PLAGL1: variants seen among roughly 807,000 people sequenced by gnomAD.
PLAGL1 encodes the protein PLAG1 like zinc finger 1.
PLAGL1 carries 1 observed loss-of-function variant against 4.6 expected under a neutral mutation model. The observed-to-expected ratio is 0.22, with a 90% CI of 0.08 to 1.03. The LOEUF is 1.03. PLAGL1 is among the 50% of genes least tolerant of loss of function. The pLI is 0.58. For synonymous variants in PLAGL1, 240 were observed against 237.8 expected (o/e 1.01, Z -0.08); for missense variants, 464 against 570.4 (o/e 0.81, Z 1.90).
intron 1 of PLAGL1, among the ~76,000 whole-genome samples, chr6:144,060,371 T>G (rs1372994719): frequency 6.6e-6 from 1 of 152,224 alleles, no homozygotes; most frequent in Non-Finnish European, 1.5e-5. Flanking sequence ...TTAGCATTTA[T>G]ATTTATTTCA....
chr6:143,959,728 G>A lies in PLAGL1; in HGVS notation c.-325+741C>T, dbSNP rs1030132900. On this transcript the variant is annotated intron_variant, in intron 6 of 7. Transcript: ENST00000674357. The surrounding 1 kb of genome is among the most constrained non-coding windows in gnomAD (Gnocchi z 5.3). ...GAGGATTTAAGTTTACTGCCCATCA[G>A]CATGGACTAATGACATACTGCAAGT... 2.0e-5 allele frequency among the ~76,000 whole-genome samples: 3 copies of A among 152,168 alleles called. No individual in the cohort carries two copies. Among genetic ancestry groups the A allele is most frequent in the Non-Finnish European group, 4.4e-5 (3 of 68,018 alleles).
At chr6:144,037,027 C>T (rs1797294439) in intron 1 of PLAGL1, 1 of 163,088 alleles carries the variant, frequency 6.1e-6, no homozygotes, top group Non-Finnish European at 1.3e-5. Context: ...AGTCTGCTTG[C>T]CTCTTGTCAC....
chr6:143,988,426 T>C (rs1323750801), intron 1 of PLAGL1, among the ~76,000 whole-genome samples: 1 of 152,220 alleles, frequency 6.6e-6, no homozygotes, highest in Non-Finnish European at 1.5e-5. Flanking sequence ...TAATGGTAGG[T>C]TGGCTCCACT....
rs148327755 is a variant in PLAGL1, at chr6:143,972,928, G to C, written c.-543-3950C>G. On this transcript the variant is annotated intron_variant, in intron 2 of 7. Coordinates refer to ENST00000674357, the MANE Select transcript of PLAGL1 (RefSeq NM_001317162.2). The surrounding 1 kb of genome is among the most constrained non-coding windows in gnomAD (Gnocchi z 6.8). ...ATATTCCTACTTATAACATAGTTGT[G>C]ACAAAACCTCCATTGTTCATTACAC... Among the ~76,000 whole-genome samples, 291 of 152,258 alleles carry C rather than the reference G, an allele frequency of 1.9e-3. 4 individuals are homozygous for C. The highest frequency in any genetic ancestry group is 0.014 in the East Asian group (71 of 5,176).
rs140483444 is a variant in PLAGL1 at position 144,000,959 on chromosome 6, G to A, written c.-584+7131C>T. Reference sequence around the variant, plus strand: ...TGACAAAATTAAAAATAGAGTATACGTACATATAACTCCTAGCTCTGTCCA... The same window carrying A: ...TGACAAAATTAAAAATAGAGTATACATACATATAACTCCTAGCTCTGTCCA... On this transcript the variant is annotated intron_variant, in intron 1 of 7. Transcript: ENST00000674357. This position sits in a 1 kb window ranked among gnomAD's most constrained non-coding sequence, Gnocchi z 4.1. Among the ~76,000 whole-genome samples, 497 of 152,102 alleles carry A rather than the reference G, an allele frequency of 3.3e-3. 5 individuals are homozygous for A. Among genetic ancestry groups the A allele is most frequent in the African/African-American group, 0.012 (485 of 41,506 alleles).
Position 144,005,430 on chromosome 6 carries a change from G to T in PLAGL1, c.-584+2660C>A, listed in dbSNP as rs1030792458. ...TATCTGGGTACTGTATGTGACAGAA[G>T]TGGCACTGCTAATCACTGATATTGG... On this transcript the variant is annotated intron_variant, in intron 1 of 7. Transcript: ENST00000674357. The surrounding 1 kb of genome is among the most constrained non-coding windows in gnomAD (Gnocchi z 4.6). 7 of 152,196 alleles carry T rather than the reference G, an allele frequency of 4.6e-5. No homozygotes were observed. Among genetic ancestry groups the T allele is most frequent in the African/African-American group, 1.7e-4 (7 of 41,460 alleles). The allele number at this position is 152,196 out of a possible 1,614,324, so 9.4% of individuals were successfully genotyped here. A position where few individuals can be genotyped will look rare whatever the true frequency, so the allele number is the denominator to read the frequency against.
rs150361562 is a variant in PLAGL1, at chr6:143,945,569, G to A, written c.152+2416C>T. 3.3e-5 allele frequency among the ~76,000 whole-genome samples: 5 copies of A among 152,190 alleles called. No individual in the cohort carries two copies. The highest frequency in any genetic ancestry group is 5.9e-5 in the Non-Finnish European group (4 of 67,992). The stretch of plus-strand genomic sequence containing the variant: ...CAGCTCACTGCAACCTCTGCCTCCC[G>A]GGTTCAAGTGATCCTCCTACCTCAG... On this transcript the variant is annotated intron_variant, in intron 7 of 7. Coordinates refer to ENST00000674357, the MANE Select transcript of PLAGL1 (RefSeq NM_001317162.2). This position sits in a 1 kb window ranked among gnomAD's most constrained non-coding sequence, Gnocchi z 4.2.
chr6:144,047,090 G>A (rs987435490), intron 1 of PLAGL1, among the ~76,000 whole-genome samples: 2 of 152,216 alleles, frequency 1.3e-5, no homozygotes, highest in African/African-American at 4.8e-5. Flanking sequence ...CGATTTTCCA[G>A]GTACAGTCTG....
At chr6:144,037,967 A>G (rs1432905988) in intron 1 of PLAGL1, among the ~76,000 whole-genome samples, 2 of 152,176 alleles carry the variant, frequency 1.3e-5, no homozygotes, top group Non-Finnish European at 2.9e-5. Context: ...ACTAAAATGA[A>G]CTAACTCCCA....
Position 143,997,296 on chromosome 6 carries a change from A to G in PLAGL1, c.-584+10794T>C, listed in dbSNP as rs7752440. Reference sequence around the variant, plus strand: ...TCTAGTCTCAGATTTGTTCCTTGGCAAAATACTGCAAATGTCCACCAAAAG... The same window carrying G: ...TCTAGTCTCAGATTTGTTCCTTGGCGAAATACTGCAAATGTCCACCAAAAG... On this transcript the variant is annotated intron_variant, in intron 1 of 7. Coordinates refer to ENST00000674357, the MANE Select transcript of PLAGL1 (RefSeq NM_001317162.2). This position sits in a 1 kb window ranked among gnomAD's most constrained non-coding sequence, Gnocchi z 4.6. Among the ~76,000 whole-genome samples, 117,140 of 152,118 alleles carry G rather than the reference A, an allele frequency of 0.77. 45,306 individuals carry two copies. Among genetic ancestry groups the G allele is most frequent in the East Asian group, 0.88 (4,528 of 5,174 alleles).
At chr6:144,031,568 G>T (rs1796834010) in intron 1 of PLAGL1, among the ~76,000 whole-genome samples, 1 of 152,116 alleles carries the variant, frequency 6.6e-6, no homozygotes, top group South Asian at 2.1e-4. Context: ...TCATACATGT[G>T]GCTTGCAAAT....
At chr6:144,062,470 CAAAAAAAAAAAA>C (rs543521128) in intron 1 of PLAGL1, among the ~76,000 whole-genome samples, 17 of 75,726 alleles carry the variant, frequency 2.2e-4, no homozygotes, top group Middle Eastern at 9.1e-3. Flanking sequence ...GTTATCAGAC[CAAAAAAAAAAAA>C]AAAAAAAAAA....
chr6:143,992,234 A>C lies in PLAGL1; in HGVS notation c.-583-7060T>G, dbSNP rs181489495. Among the ~76,000 whole-genome samples, 1,086 of 152,292 alleles carry C rather than the reference A, an allele frequency of 7.1e-3. 6 individuals are homozygous for C. The highest frequency in any genetic ancestry group is 0.024 in the Middle Eastern group (7 of 294). On this transcript the variant is annotated intron_variant, in intron 1 of 7. Coordinates refer to ENST00000674357, the MANE Select transcript of PLAGL1 (RefSeq NM_001317162.2). ...AATAAAAAGTTGATTACTGAGGAAA[A>C]ACCATTGAATATTCTTTTTTTGAAC...
chr6:144,003,903 T>C (rs927731618), intron 1 of PLAGL1, among the ~76,000 whole-genome samples: 1 of 152,218 alleles, frequency 6.6e-6, no homozygotes, highest in Non-Finnish European at 1.5e-5. Flanking sequence ...CCTTGGTATA[T>C]AGCTGAGAGA....
intron 1 of PLAGL1, among the ~76,000 whole-genome samples, chr6:144,028,229 A>G (rs1277996179): frequency 6.6e-6 from 1 of 152,236 alleles, no homozygotes; most frequent in Non-Finnish European, 1.5e-5. Context: ...AGTGTTCCAA[A>G]GTATATTAGT....
In PLAGL1 at chr6:143,988,061, AAC is replaced by A. The variant is rs762033911; in HGVS notation, c.-583-2889_-583-2888del. Among the ~76,000 whole-genome samples, 55 of 152,318 alleles carry A rather than the reference AAC, an allele frequency of 3.6e-4. No homozygotes were observed. The Middle Eastern group carries it at 0.034, about 94-fold the overall frequency. ...CATACATATAAGATAAAAACTGAGAAACACTTTTCCATTCCCAGTGATGTTTG... is the reference window on the plus strand; with the variant it reads ...CATACATATAAGATAAAAACTGAGAAACTTTTCCATTCCCAGTGATGTTTG... On this transcript the variant is annotated intron_variant, in intron 1 of 7. Transcript: ENST00000674357.
intron 2 of PLAGL1, among the ~76,000 whole-genome samples, chr6:143,977,083 T>TCCC (rs55975019): frequency 5.1e-5 from 7 of 136,900 alleles, no homozygotes; most frequent in Non-Finnish European, 9.7e-5. Context: ...TATACTCCCT[T>TCCC]CCCCCCCCCC....
upstream of PLAGL1, among the ~76,000 whole-genome samples, chr6:144,010,399 A>T (rs1025097826): frequency 6.6e-6 from 1 of 152,170 alleles, no homozygotes; most frequent in Admixed American, 6.5e-5. The surrounding 1 kb of genome is among the most constrained non-coding windows in gnomAD (Gnocchi z 4.1). Context: ...CTTACAAGAG[A>T]TGTGAAGGAC....
At position 144,027,292 on chromosome 6, in the gene PLAGL1, A is replaced by AAAGAAAGAAAAAGAAAAAGT. The variant is rs752733300; in HGVS notation, c.-151+37175_-151+37176insACTTTTTCTTTTTCTTTCTT. ...GAAAGAAAGAAAGAAAGAAAGAAAGAAAGTTATTTGATCTGAAGTACAATG... is the reference window on the plus strand; with the variant it reads ...GAAAGAAAGAAAGAAAGAAAGAAAGAAAGAAAGAAAAAGAAAAAGTAAGTTATTTGATCTGAAGTACAATG... On this transcript the variant is annotated intron_variant, in intron 1 of 3. Coordinates refer to the PLAGL1 transcript ENST00000437412. This position sits in a 1 kb window ranked among gnomAD's most constrained non-coding sequence, Gnocchi z 5.8. 7.0e-6 allele frequency among the ~76,000 whole-genome samples: 1 copy of AAAGAAAGAAAAAGAAAAAGT among 142,492 alleles called. No individual in the cohort carries two copies. The highest frequency in any genetic ancestry group is 7.4e-5 in the Admixed American group (1 of 13,538). 93.5% of individuals were successfully genotyped at this position (142,492 alleles called of 152,430 possible). A position where few individuals can be genotyped will look rare whatever the true frequency, so the allele number is the denominator to read the frequency against.
Sources: allele counts gnomAD v4.1 joint callset (sites outside exome capture counted in the v4.1 genomes callset), GRCh38; gene constraint gnomAD v4.1.1; non-coding constraint Gnocchi (gnomAD v3.1); transcripts MANE v1.5; gene names NCBI Gene and HGNC (gene_info 2026-07-23, HGNC 2026-07-21).